The following CDK11B variants were observed in gnomAD, a reference collection of about 807,000 sequenced individuals.
CDK11B encodes cyclin dependent kinase 11B.
CDK11B carries 37 observed loss-of-function variants against 84.0 expected under a neutral mutation model. That is an observed-to-expected ratio of 0.44 (90% CI 0.34 to 0.58). The LOEUF (loss-of-function observed/expected upper bound fraction) is 0.58. CDK11B is among the 20% of genes least tolerant of loss of function. The pLI, the probability that CDK11B is intolerant of heterozygous loss-of-function variation, is 0.02. For missense variants in CDK11B, 427 were observed against 834.0 expected (o/e 0.51, Z 6.01); for synonymous variants, 269 against 309.8 (o/e 0.87, Z 1.38).
In CDK11B at chr1:1,655,342, G is replaced by T. The variant is rs747006729; in HGVS notation, c.227+27C>A. On this transcript the variant is annotated intron_variant, in intron 3 of 19. Transcript: ENST00000341832. ...CCAGGCCAGGGCTGTGTACAGCTGG[G>T]TCTTGCACATCTGTACATCCGCTCA... 32 of 1,610,968 alleles carry T rather than the reference G, an allele frequency of 2.0e-5. No individual in the cohort carries two copies. In the Admixed American group the frequency reaches 5.2e-4, roughly 26 times the overall value.
In CDK11B at chr1:1,657,481, C is replaced by A; in HGVS notation, c.5G>T (p.Gly2Val). M[G>V]DEKDSWKVKT... Reference sequence around the variant, plus strand: ...CACTTTCCAAGAGTCCTTTTCATCACCCATTTGAGTTAAAACACTGCAAAA... The same window carrying A: ...CACTTTCCAAGAGTCCTTTTCATCAACCATTTGAGTTAAAACACTGCAAAA... The change falls in exon 2 of 20, where the codon GGT becomes GTT. Residue 2 changes from glycine to valine, a missense_variant. Gly to Val is a moderately radical substitution (Grantham distance 109). Coordinates refer to ENST00000341832, the MANE Select transcript of CDK11B (RefSeq NM_033486.3). 2 of 1,535,166 alleles carry A rather than the reference C, an allele frequency of 1.3e-6. No individual in the cohort carries two copies. The highest frequency in any genetic ancestry group is 1.8e-6 in the Non-Finnish European group (2 of 1,140,534).
chr1:1,636,618 C>G (rs527835509), intron 17 of CDK11B, 64 bp downstream of exon 17: 1 of 1,606,764 alleles, frequency 6.2e-7, no homozygotes, highest in South Asian at 1.1e-5. Context: ...CTGTGCGCCC[C>G]GCAGCCCCAT....
chr1:1,636,180 C>T (rs1219312803), intron 18 of CDK11B, 54 bp from the exon 19 acceptor site: 13 of 742,388 alleles, frequency 1.8e-5, no homozygotes, highest in African/African-American at 5.4e-5. Context: ...CACTGGGTCC[C>T]CCAAAGATGG....
At chr1:1,638,935 CTATTTTTTTT>C (rs1639817762) in intron 11 of CDK11B, among the ~76,000 whole-genome samples, 4 of 141,290 alleles carry the variant, frequency 2.8e-5, no homozygotes, top group Admixed American at 1.4e-4. Flanking sequence ...ACTCTGTTTT[CTATTTTTTTT>C]TTTTTTTTTT....
Position 1,639,347 on chromosome 1 carries a change from G to C in CDK11B, c.1252-757C>G, listed in dbSNP as rs1256766685. Among the ~76,000 whole-genome samples, 3 of 151,810 alleles carry C rather than the reference G, an allele frequency of 2.0e-5. No homozygotes were observed. The East Asian group carries it at 5.8e-4, about 29-fold the overall frequency. On this transcript the variant is annotated intron_variant, in intron 11 of 19. Coordinates refer to ENST00000341832, the MANE Select transcript of CDK11B (RefSeq NM_033486.3). ...TGGGAGGATTGTTTGAGCCTGGGAG[G>C]GGGAGGCTCCAGTGAGCTATGATTA...
chr1:1,639,346 G>T (rs1639892613), intron 11 of CDK11B, among the ~76,000 whole-genome samples: 1 of 151,744 alleles, frequency 6.6e-6, no homozygotes, highest in Non-Finnish European at 1.5e-5. Flanking sequence ...GAGCCTGGGA[G>T]GGGGAGGCTC....
chr1:1,637,302 T>C, intron 14 of CDK11B, 100 bp from the exon 15 acceptor site: 5 of 1,570,410 alleles, frequency 3.2e-6, no homozygotes, highest in Non-Finnish European at 4.3e-6. Flanking sequence ...TTCTCAGGGC[T>C]TTCCCTGTGG....
rs1186999203 is a variant in CDK11B, at chr1:1,637,470, A to G, written c.1508T>C (p.Met503Thr). ...GSNMDKIYIVMNYVEHDLKSL... is the reference protein window; with the variant it reads ...GSNMDKIYIVTNYVEHDLKSL... ...CTTGAGGTCGTGCTCCACATAGTTCATCACGATGTAGATCTTGTCCATGTT... is the reference window on the plus strand; with the variant it reads ...CTTGAGGTCGTGCTCCACATAGTTCGTCACGATGTAGATCTTGTCCATGTT... The change falls in exon 14 of 20, where the codon ATG becomes ACG. Residue 503 changes from methionine to threonine, a missense_variant. Around this residue, in one of 12 missense-constraint regions of CDK11B, gnomAD observed 24 missense variants for 93.2 expected, o/e 0.26. Transcript: ENST00000341832. 6.2e-7 allele frequency: 1 copy of G among 1,613,560 alleles called. No individual in the cohort carries two copies. Among genetic ancestry groups the G allele is most frequent in the Admixed American group, 1.7e-5 (1 of 59,972 alleles).
chr1:1,650,526 C>T (rs1179187488), intron 4 of CDK11B, among the ~76,000 whole-genome samples: 22 of 151,084 alleles, frequency 1.5e-4, no homozygotes, highest in Middle Eastern at 3.4e-3. Context: ...CCACCACGCC[C>T]GGCTAATTTT....
rs1479956593 is a variant in CDK11B, at chr1:1,650,264, G to A, written c.356-627C>T. Among the ~76,000 whole-genome samples, 8 of 64,190 alleles carry A rather than the reference G, an allele frequency of 1.2e-4. 1 individual carries two copies. The highest frequency in any genetic ancestry group is 5.1e-4 in the African/African-American group (6 of 11,728). 42.1% of individuals were successfully genotyped at this position (64,190 alleles called of 152,430 possible). On this transcript the variant is annotated intron_variant, in intron 4 of 19. Coordinates refer to ENST00000341832, the MANE Select transcript of CDK11B (RefSeq NM_033486.3). ...CAGCCTGGGTGACAAGCAAGACTCC[G>A]TCCCAAAAAAAAAAAAAAAAGAAAT...
At chr1:1,649,765 A>C (rs1641647750) in intron 4 of CDK11B, 128 bp from the exon 5 acceptor site, 4 of 783,498 alleles carry the variant, frequency 5.1e-6, no homozygotes, top group Non-Finnish European at 6.1e-6. Context: ...ACCTGAGGTC[A>C]GGAGTTCAAG....
chr1:1,658,918 A>ACGCCGCCGCCGCTGCCGC lies in CDK11B; in HGVS notation c.-36_-19dup, dbSNP rs1430256288. ...GTCCGCCCAGTCGGAACTCACCCCT[A>ACGCCGCCGCCGCTGCCGC]CGCCGCCGCCGCTGCCGCCGCCGCC... On this transcript the variant is annotated 5_prime_UTR_variant, in exon 1 of 20. Transcript: ENST00000341832. 1 of 192,008 alleles carries ACGCCGCCGCCGCTGCCGC rather than the reference A, an allele frequency of 5.2e-6. No homozygotes were observed. Among genetic ancestry groups the ACGCCGCCGCCGCTGCCGC allele is most frequent in the African/African-American group, 2.4e-5 (1 of 41,618 alleles). The allele number at this position is 192,008 out of a possible 1,614,324, so 11.9% of individuals were successfully genotyped here.
At chr1:1,654,277 T>A (rs1209984055) in intron 3 of CDK11B, 1 of 403,086 alleles carries the variant, frequency 2.5e-6, no homozygotes, top group Non-Finnish European at 4.9e-6. Flanking sequence ...AACAAGAACA[T>A]TTCCTTTTTT....
chr1:1,648,240 G>C (rs142739440), intron 5 of CDK11B, among the ~76,000 whole-genome samples: 2,962 of 152,234 alleles, frequency 0.019, 34 homozygotes, highest in Non-Finnish European at 0.026. Flanking sequence ...AAATCAATAT[G>C]ACAGCCCAAA....
At position 1,637,018 on chromosome 1, in the gene CDK11B, T is replaced by C; in HGVS notation, c.1693-14A>G. 2 of 1,612,922 alleles carry C rather than the reference T, an allele frequency of 1.2e-6. No individual in the cohort carries two copies. Among genetic ancestry groups the C allele is most frequent in the South Asian group, 1.1e-5 (1 of 91,040 alleles). ...GAAGTCACCCACCTGCAACGACAGA[T>C]GGGCGGCTGTGAGTGGGCCCCGGCA... On this transcript the variant is annotated splice_polypyrimidine_tract_variant and intron_variant, in intron 15 of 19. Coordinates refer to ENST00000341832, the MANE Select transcript of CDK11B (RefSeq NM_033486.3).
At chr1:1,650,484 G>A (rs1280082419) in intron 4 of CDK11B, among the ~76,000 whole-genome samples, 1 of 148,138 alleles carries the variant, frequency 6.8e-6, no homozygotes, top group Non-Finnish European at 1.5e-5. Context: ...TCCTGCCTCA[G>A]CCTCCCGAGT....
In CDK11B at chr1:1,637,759, C is replaced by T; in HGVS notation, c.1464+3G>A. 6.2e-7 allele frequency: 1 copy of T among 1,613,764 alleles called. No individual in the cohort carries two copies. The highest frequency in any genetic ancestry group is 8.5e-7 in the Non-Finnish European group (1 of 1,179,710). On this transcript the variant is annotated splice_donor_region_variant and intron_variant, in intron 13 of 19. Coordinates refer to ENST00000341832, the MANE Select transcript of CDK11B (RefSeq NM_033486.3). ...GGGCCAGGCGTGGTGGGGCCATGCT[C>T]ACTCTAACGGTGACGATGTTGGGAT...
chr1:1,647,280 T>A (rs75096237), intron 5 of CDK11B, among the ~76,000 whole-genome samples: 1 of 142,612 alleles, frequency 7.0e-6, no homozygotes, highest in African/African-American at 2.7e-5. Flanking sequence ...TTCCTCAGTA[T>A]GGGTCACACT....
Position 1,635,668 on chromosome 1 carries a change from A to C in CDK11B, c.*96T>G. ...AAAACAAAACATGGAGCACAAAGTA[A>C]GACGAGGAGTTCCGAGTCTCATCGC... On this transcript the variant is annotated 3_prime_UTR_variant, in exon 20 of 20. Transcript: ENST00000341832. 1 of 302,670 alleles carries C rather than the reference A, an allele frequency of 3.3e-6. No individual in the cohort carries two copies. Among genetic ancestry groups the C allele is most frequent in the Non-Finnish European group, 5.5e-6 (1 of 180,892 alleles). The allele number at this position is 302,670 out of a possible 1,614,324, so 18.7% of individuals were successfully genotyped here.
Sources: allele counts gnomAD v4.1 joint callset (sites outside exome capture counted in the v4.1 genomes callset), GRCh38; gene constraint gnomAD v4.1.1; regional missense constraint gnomAD v4.1.1; transcripts MANE v1.5; gene names NCBI Gene and HGNC (gene_info 2026-07-23, HGNC 2026-07-21).